CD47: variants seen among roughly 807,000 people sequenced by gnomAD.
The protein encoded by CD47 is leukocyte surface antigen CD47.
In CD47, 11 loss-of-function variants were observed where a neutral mutation model predicts 44.6. That is an observed-to-expected ratio of 0.25 (90% confidence interval 0.16 to 0.41). CD47 has a LOEUF of 0.41. Ranked by LOEUF, CD47 falls within the 10% of genes least tolerant of loss-of-function variation. The probability of loss-of-function intolerance (pLI) is 1.00; values close to 1 mark genes in which losing one functional copy is unlikely to be tolerated. For missense variants in CD47, 306 were observed against 386.7 expected, an observed-to-expected ratio of 0.79 and a Z score of 1.75; for synonymous variants, 140 against 136.3, an observed-to-expected ratio of 1.03 and a Z score of -0.19.
intron 3 of CD47, among the ~76,000 whole-genome samples, chr3:108,069,530 A>T (rs1239751820): frequency 6.5e-4 from 90 of 138,200 alleles, no homozygotes; most frequent in African/African-American, 2.1e-3. Context: ...TTTTTTTTTT[A>T]AATAACTCCC....
Position 108,072,966 on chromosome 3 carries a change from T to C in CD47, c.401-1784A>G, listed in dbSNP as rs150348351. Among the ~76,000 whole-genome samples the C allele has an allele frequency of 7.0e-3, 1,059 of 152,174 alleles. 13 individuals are homozygous for C. The highest frequency in any genetic ancestry group is 0.024 in the African/African-American group (1,015 of 41,500). On this transcript the variant is annotated intron_variant, in intron 2 of 10. Transcript: ENST00000361309. ...TTCAGTTAATCTTAACTGTTCATGTTCCACAATGAATCCTGATATTTTCAT... is the reference window on the plus strand; with the variant it reads ...TTCAGTTAATCTTAACTGTTCATGTCCCACAATGAATCCTGATATTTTCAT...
chr3:108,080,762 C>G (rs2079402414), intron 1 of CD47, among the ~76,000 whole-genome samples: 1 of 151,812 alleles, frequency 6.6e-6, no homozygotes. Context: ...TATTCAGTCT[C>G]AACTTCAACA....
intron 3 of CD47, among the ~76,000 whole-genome samples, chr3:108,065,606 T>A (rs755194469): frequency 1.3e-5 from 2 of 150,628 alleles, no homozygotes; most frequent in African/African-American, 4.9e-5. Context: ...AGGTCAGGAG[T>A]TCGAGACCAG....
At chr3:108,067,192 T>C (rs1469890727) in intron 3 of CD47, among the ~76,000 whole-genome samples, 1 of 152,266 alleles carries the variant, frequency 6.6e-6, no homozygotes, top group Non-Finnish European at 1.5e-5. Flanking sequence ...CCAATGCCGT[T>C]GTTATTGATA....
chr3:108,078,497 A>T (rs2108263928), intron 2 of CD47, among the ~76,000 whole-genome samples: 1 of 151,460 alleles, frequency 6.6e-6, no homozygotes, highest in Non-Finnish European at 1.5e-5. Context: ...TTATTCTTTC[A>T]TTTCCACAAA....
rs574828809 is a variant in CD47 at position 108,075,347 on chromosome 3, T to C, written c.401-4165A>G. The stretch of plus-strand genomic sequence containing the variant: ...AAAACCCAGGACCTCATTTGTCTTA[T>C]CACTGTACAAAAATGAGACAACCTA... On this transcript the variant is annotated intron_variant, in intron 2 of 10. Coordinates refer to ENST00000361309, the MANE Select transcript of CD47 (RefSeq NM_001777.4). Among the ~76,000 whole-genome samples, 29 of 152,268 alleles carry C rather than the reference T, an allele frequency of 1.9e-4. 2 individuals carry two copies. The highest frequency in any genetic ancestry group is 6.7e-4 in the African/African-American group (28 of 41,528).
Position 108,047,186 on chromosome 3 carries a change from T to C in CD47, c.*102A>G. 5 of 915,542 alleles carry C rather than the reference T, an allele frequency of 5.5e-6. No individual in the cohort carries two copies. Among genetic ancestry groups the C allele is most frequent in the Non-Finnish European group, 8.5e-6 (5 of 589,100 alleles). 56.7% of individuals were successfully genotyped at this position (915,542 alleles called of 1,614,324 possible). ...GACAACCAGTTACTTTTCTTGTTTCTTCTCCCCAACAGTGAATCATCAAGG... is the reference window on the plus strand; with the variant it reads ...GACAACCAGTTACTTTTCTTGTTTCCTCTCCCCAACAGTGAATCATCAAGG... On this transcript the variant is annotated 3_prime_UTR_variant, in exon 11 of 11. Transcript: ENST00000361309.
intron 3 of CD47, among the ~76,000 whole-genome samples, chr3:108,062,547 T>C (rs542627576): frequency 6.6e-6 from 1 of 152,132 alleles, no homozygotes; most frequent in Non-Finnish European, 1.5e-5. Flanking sequence ...AAAAAGCTAC[T>C]AAGATCAAGC....
At chr3:108,069,073 T>C (rs1468170330) in intron 3 of CD47, among the ~76,000 whole-genome samples, 3 of 152,238 alleles carry the variant, frequency 2.0e-5, no homozygotes, top group Non-Finnish European at 2.9e-5. Context: ...TTTAGCGTTA[T>C]AATATCAGAA....
intron 1 of CD47, among the ~76,000 whole-genome samples, chr3:108,087,883 A>G (rs540075102): frequency 6.6e-6 from 1 of 152,312 alleles, no homozygotes; most frequent in East Asian, 1.9e-4. Context: ...TAGTCTAGGT[A>G]TATCAGAATC....
chr3:108,057,695 T>A (rs769384910), intron 6 of CD47, 126 bp from the exon 7 acceptor site: 1 of 528,946 alleles, frequency 1.9e-6, no homozygotes, highest in Non-Finnish European at 3.5e-6. Context: ...CCATATATGT[T>A]TATTAACTTA....
chr3:108,068,157 T>TA (rs1373372673), intron 3 of CD47, among the ~76,000 whole-genome samples: 1 of 152,200 alleles, frequency 6.6e-6, no homozygotes, highest in Non-Finnish European at 1.5e-5. Context: ...TACTGGATTC[T>TA]AAAAAATATA....
At chr3:108,048,371 G>GATTTTTTTT (rs1559971847) in intron 10 of CD47, among the ~76,000 whole-genome samples, 2 of 79,582 alleles carry the variant, frequency 2.5e-5, no homozygotes, top group Non-Finnish European at 2.3e-5. Flanking sequence ...TGACTGGAGT[G>GATTTTTTTT]TTTTTTTTTT....
chr3:108,084,103 T>C (rs1250739386), intron 1 of CD47, among the ~76,000 whole-genome samples: 1 of 151,908 alleles, frequency 6.6e-6, no homozygotes, highest in Non-Finnish European at 1.5e-5. Context: ...AAAAAATCCC[T>C]CATACTTTCT....
chr3:108,048,530 G>T (rs1210719435), intron 10 of CD47, among the ~76,000 whole-genome samples: 1 of 151,868 alleles, frequency 6.6e-6, no homozygotes, highest in Non-Finnish European at 1.5e-5. Context: ...GACCACAGGT[G>T]CCCGCCACCA....
chr3:108,078,528 A>C (rs1347119673), intron 2 of CD47, among the ~76,000 whole-genome samples: 1 of 151,456 alleles, frequency 6.6e-6, no homozygotes, highest in Non-Finnish European at 1.5e-5. Context: ...ACCTCAGAAA[A>C]ATTTCAACTA....
In CD47 at chr3:108,074,826, T is replaced by C. The variant is rs2079278254; in HGVS notation, c.401-3644A>G. ...GTCACTGATGAACATGTTCCTCCTC[T>C]CTCTAATTTGTTACAGTGGGAAAAG... On this transcript the variant is annotated intron_variant, in intron 2 of 10. Coordinates refer to ENST00000361309, the MANE Select transcript of CD47 (RefSeq NM_001777.4). Among the ~76,000 whole-genome samples the C allele has an allele frequency of 3.3e-5, 5 of 152,200 alleles. 1 individual carries two copies. The South Asian group carries it at 1.0e-3, about 32-fold the overall frequency.
chr3:108,079,690 A>G (rs1177938980), intron 2 of CD47, among the ~76,000 whole-genome samples: 6 of 151,804 alleles, frequency 4.0e-5, no homozygotes, highest in Non-Finnish European at 7.4e-5. Context: ...AATGAAGAGT[A>G]CATTACCCCA....
At chr3:108,060,952 T>G (rs903965591) in intron 3 of CD47, 100 bp from the exon 4 acceptor site, 12 of 720,376 alleles carry the variant, frequency 1.7e-5, no homozygotes, top group Non-Finnish European at 2.6e-5. Context: ...AGTACTATAA[T>G]GTAATAACTT....
Sources: allele counts gnomAD v4.1 joint callset (sites outside exome capture counted in the v4.1 genomes callset), GRCh38; gene constraint gnomAD v4.1.1; transcripts MANE v1.5; gene names NCBI Gene and HGNC (gene_info 2026-07-23, HGNC 2026-07-21).